The following NRXN3 variants were observed in gnomAD, a reference collection of about 807,000 sequenced individuals.
The protein encoded by NRXN3 is neurexin III.
NRXN3 carries 32 observed loss-of-function variants against 137.6 expected under a neutral mutation model. That is an observed-to-expected ratio of 0.23 (90% CI 0.18 to 0.31). NRXN3 has a LOEUF of 0.31. Among genes scored for constraint, NRXN3 ranks in the 10% least tolerant of loss-of-function variants. The pLI is 1.00. For missense variants in NRXN3, 1,574 were observed against 2,062.5 expected (o/e 0.76, Z 4.59); for synonymous variants, 798 against 784.5 (o/e 1.02, Z -0.29).
chr14:78,948,784 A>G (rs1180713714), intron 10 of NRXN3, among the ~76,000 whole-genome samples: 2 of 151,996 alleles, frequency 1.3e-5, no homozygotes, highest in African/African-American at 2.4e-5. Context: ...ATAGTCTCCC[A>G]TATCCTCCAT....
At chr14:79,506,860 T>C (rs1324223477) in intron 16 of NRXN3, among the ~76,000 whole-genome samples, 1 of 152,180 alleles carries the variant, frequency 6.6e-6, no homozygotes, top group Non-Finnish European at 1.5e-5. Context: ...TGAGATCTCC[T>C]GAGAGGTGAA....
chr14:78,574,885 G>A (rs999210712), intron 4 of NRXN3, among the ~76,000 whole-genome samples: 1 of 152,164 alleles, frequency 6.6e-6, no homozygotes, highest in African/African-American at 2.4e-5. Flanking sequence ...GGTGAGATTT[G>A]GGAGGAGCCA....
At chr14:78,582,034 C>T (rs1288142175) in intron 4 of NRXN3, among the ~76,000 whole-genome samples, 2 of 152,222 alleles carry the variant, frequency 1.3e-5, no homozygotes, top group African/African-American at 2.4e-5. Context: ...CATCCTGCTT[C>T]ATGTTGTTCT....
intron 20 of NRXN3, among the ~76,000 whole-genome samples, chr14:79,843,233 G>T (rs569000093): frequency 6.6e-6 from 1 of 152,180 alleles, no homozygotes; most frequent in Admixed American, 6.5e-5. Flanking sequence ...TGAATTTCTT[G>T]GTTTCCCAGT....
At chr14:78,607,122 A>T (rs1271337905) in intron 4 of NRXN3, among the ~76,000 whole-genome samples, 2 of 151,758 alleles carry the variant, frequency 1.3e-5, no homozygotes, top group Non-Finnish European at 2.9e-5. Flanking sequence ...TTAGAGGTGT[A>T]GAGAAAGAGC....
chr14:78,971,782 C>G, intron 14 of NRXN3, among the ~76,000 whole-genome samples: 1 of 151,972 alleles, frequency 6.6e-6, no homozygotes, highest in African/African-American at 2.4e-5. Context: ...ATTACAGGTG[C>G]CCACCACCAT....
intron 1 of NRXN3, among the ~76,000 whole-genome samples, chr14:78,180,071 C>T (rs1313593998): frequency 6.6e-6 from 1 of 152,096 alleles, no homozygotes; most frequent in Non-Finnish European, 1.5e-5. Context: ...TGGTCTCGAA[C>T]TCCTGACCTA....
At chr14:78,789,211 T>A (rs950440625) in intron 8 of NRXN3, among the ~76,000 whole-genome samples, 2 of 152,220 alleles carry the variant, frequency 1.3e-5, no homozygotes, top group African/African-American at 4.8e-5. Context: ...TGTCACTTTC[T>A]ATCTAAAAAT....
intron 4 of NRXN3, among the ~76,000 whole-genome samples, chr14:78,408,801 A>G (rs1486407785): frequency 6.6e-6 from 1 of 152,252 alleles, no homozygotes; most frequent in African/African-American, 2.4e-5. Context: ...GAAATGAAGA[A>G]ACACTTGAAG....
intron 15 of NRXN3, among the ~76,000 whole-genome samples, chr14:79,376,216 A>ATG (rs2094288238): frequency 2.6e-4 from 1 of 3,832 alleles, no homozygotes; most frequent in African/African-American, 4.0e-4. Flanking sequence ...GTGTGTATGT[A>ATG]TATATATATA....
intron 15 of NRXN3, among the ~76,000 whole-genome samples, chr14:79,009,454 A>G (rs1334725964): frequency 6.6e-6 from 1 of 152,068 alleles, no homozygotes; most frequent in Non-Finnish European, 1.5e-5. Context: ...AACCACAGGA[A>G]CTCCTTACTT....
chr14:78,192,669 C>T lies in NRXN3; in HGVS notation c.-704+21995C>T, dbSNP rs78230235. On this transcript the variant is annotated intron_variant, in intron 1 of 20. Coordinates refer to ENST00000335750, the MANE Select transcript of NRXN3 (RefSeq NM_001330195.2). ...AGAGATCAGTGTGAAGAAGGACTCC[C>T]TGGGTGTTGATGTGAGGAGCCATCA... is the stretch of plus-strand genomic sequence containing the variant. 3.6e-3 allele frequency among the ~76,000 whole-genome samples: 545 copies of T among 152,068 alleles called. 29 individuals are homozygous for T. The East Asian group carries it at 0.093, about 26-fold the overall frequency.
Position 78,278,665 on chromosome 14 carries a change from G to A in NRXN3, c.727+3G>A, listed in dbSNP as rs932242115. On this transcript the variant is annotated splice_donor_region_variant and intron_variant, in intron 3 of 20. Coordinates refer to ENST00000335750, the MANE Select transcript of NRXN3 (RefSeq NM_001330195.2). ...CACAGATGTCAGTCAAGATCCAGGT[G>A]AGTCTTTGTGTTTGCACAGCTGCTG... The A allele has an allele frequency of 1.6e-5, 24 of 1,534,952 alleles. No individual in the cohort carries two copies. The highest frequency in any genetic ancestry group is 2.0e-5 in the Non-Finnish European group (23 of 1,146,382).
chr14:78,553,671 G>A (rs917337342), intron 4 of NRXN3, among the ~76,000 whole-genome samples: 2 of 152,186 alleles, frequency 1.3e-5, no homozygotes, highest in Non-Finnish European at 2.9e-5. Context: ...TGGTAAGTCC[G>A]GGGATCTGAG....
chr14:79,834,806 A>G (rs1001120031), intron 20 of NRXN3, among the ~76,000 whole-genome samples: 2 of 152,110 alleles, frequency 1.3e-5, no homozygotes, highest in African/African-American at 4.8e-5. Flanking sequence ...ATAGCAGAGG[A>G]CAATCTCTGT....
At chr14:79,377,301 G>T (rs2094330970) in intron 15 of NRXN3, among the ~76,000 whole-genome samples, 1 of 152,174 alleles carries the variant, frequency 6.6e-6, no homozygotes, top group Non-Finnish European at 1.5e-5. Flanking sequence ...GCATGAAGAA[G>T]AAATTTGAGA....
intron 8 of NRXN3, among the ~76,000 whole-genome samples, chr14:78,759,367 A>G (rs2098683042): frequency 6.6e-6 from 1 of 152,344 alleles, no homozygotes; most frequent in Middle Eastern, 3.4e-3. Context: ...ATGTCCAACA[A>G]TACTAGAAGG....
intron 15 of NRXN3, among the ~76,000 whole-genome samples, chr14:78,994,391 TA>T (rs916084292): frequency 1.2e-4 from 18 of 151,662 alleles, no homozygotes; most frequent in Admixed American, 2.0e-4. Flanking sequence ...TTTCAAGATA[TA>T]AAAAAAAATT....
intron 15 of NRXN3, among the ~76,000 whole-genome samples, chr14:79,044,921 A>G (rs1048899741): frequency 1.3e-5 from 2 of 151,552 alleles, no homozygotes; most frequent in African/African-American, 4.9e-5. Context: ...TGAACTACAA[A>G]TTATTTTCTT....
Sources: gnomAD v4.1 joint callset for allele counts (sites outside exome capture counted in the v4.1 genomes callset) on GRCh38, gnomAD v4.1.1 for gene constraint, MANE v1.5 for transcripts, NCBI Gene and HGNC (gene_info 2026-07-23, HGNC 2026-07-21) for gene names.